RPS6KC1: variants seen among roughly 807,000 people sequenced by gnomAD.
RPS6KC1 encodes the protein ribosomal protein S6 kinase C1.
Under a neutral mutation model 103.8 loss-of-function variants are expected in RPS6KC1, and 54 were observed. The observed-to-expected ratio is 0.52, with a 90% CI of 0.42 to 0.65. The LOEUF is 0.65. Ranked by LOEUF, RPS6KC1 falls within the 30% of genes least tolerant of loss-of-function variation. The pLI, the probability that RPS6KC1 is intolerant of heterozygous loss-of-function variation, is 0.00. For synonymous variants in RPS6KC1, 439 were observed against 438.7 expected (o/e 1.00, Z -0.01); for missense variants, 1,151 against 1,253.8 (o/e 0.92, Z 1.24).
intron 8 of RPS6KC1, among the ~76,000 whole-genome samples, chr1:213,216,396 A>C (rs2093660813): frequency 6.6e-6 from 1 of 152,162 alleles, no homozygotes. Context: ...CTACAAAGAG[A>C]CTTAGACTCC....
At chr1:213,602,008 T>C in the RPS6KC1 span, among the ~76,000 whole-genome samples, 3 of 37,098 alleles carry the variant, frequency 8.1e-5, no homozygotes, top group African/African-American at 2.2e-4. Flanking sequence ...TTTCTTTTCT[T>C]TTCTTTTCTT....
chr1:213,208,397 T>G (rs1474663775), intron 8 of RPS6KC1, among the ~76,000 whole-genome samples: 1 of 152,236 alleles, frequency 6.6e-6, no homozygotes, highest in African/African-American at 2.4e-5. Context: ...CTCCTTTGCC[T>G]TTCTCTTTGG....
chr1:213,110,964 G>A (rs1168903005), intron 4 of RPS6KC1, among the ~76,000 whole-genome samples: 1 of 148,262 alleles, frequency 6.7e-6, no homozygotes, highest in African/African-American at 2.5e-5. Flanking sequence ...TTTTTTCTGT[G>A]CTTCAATCCA....
At chr1:213,522,836 G>A in the RPS6KC1 span, among the ~76,000 whole-genome samples, 11 of 152,146 alleles carry the variant, frequency 7.2e-5, no homozygotes, top group East Asian at 1.9e-4. Flanking sequence ...TGCTCTATCC[G>A]GACCATTAAA....
intron 10 of RPS6KC1, among the ~76,000 whole-genome samples, chr1:213,238,713 A>G (rs1034257979): frequency 2.0e-5 from 3 of 152,330 alleles, no homozygotes; most frequent in Non-Finnish European, 2.9e-5. Context: ...ATTAAAAGGT[A>G]CCATTTCTTG....
At chr1:213,376,500 G>C in the RPS6KC1 span, among the ~76,000 whole-genome samples, 2 of 151,064 alleles carry the variant, frequency 1.3e-5, no homozygotes, top group African/African-American at 4.9e-5. Context: ...TTTCATGCAA[G>C]AATTAGGTAC....
chr1:213,125,780 T>G (rs1427296333), intron 5 of RPS6KC1: 1 of 152,022 alleles, frequency 6.6e-6, no homozygotes, highest in African/African-American at 2.4e-5. Flanking sequence ...TTTAATGGTC[T>G]TACTTTTTTG....
At chr1:213,145,845 AT>A (rs1250850044) in intron 6 of RPS6KC1, among the ~76,000 whole-genome samples, 1 of 151,762 alleles carries the variant, frequency 6.6e-6, no homozygotes, top group Non-Finnish European at 1.5e-5. Flanking sequence ...CCCCTTAAGC[AT>A]TTATCCTTTG....
chr1:213,361,951 G>A, the RPS6KC1 span, among the ~76,000 whole-genome samples: 3 of 152,234 alleles, frequency 2.0e-5, no homozygotes, highest in Non-Finnish European at 4.4e-5. Context: ...AGTTGTCTGT[G>A]TGCACAAGTG....
At chr1:213,442,354 C>T in the RPS6KC1 span, among the ~76,000 whole-genome samples, 3 of 152,222 alleles carry the variant, frequency 2.0e-5, no homozygotes, top group Non-Finnish European at 1.5e-5. Context: ...AGGTGTTCAA[C>T]AGACATTTTT....
intron 10 of RPS6KC1, among the ~76,000 whole-genome samples, chr1:213,233,316 C>G (rs913324304): frequency 6.6e-6 from 1 of 152,068 alleles, no homozygotes; most frequent in Non-Finnish European, 1.5e-5. Context: ...AACTAATTCA[C>G]CTTTGTTCAG....
At chr1:213,242,518 A>T (rs1468724654) in intron 11 of RPS6KC1, 51 bp from the exon 12 acceptor site, 2 of 1,433,498 alleles carry the variant, frequency 1.4e-6, no homozygotes, top group Non-Finnish European at 2.0e-6. Context: ...TCACTTCTGC[A>T]GAAAATGGAA....
At chr1:213,453,970 A>G in the RPS6KC1 span, among the ~76,000 whole-genome samples, 1 of 152,272 alleles carries the variant, frequency 6.6e-6, no homozygotes, top group Non-Finnish European at 1.5e-5. Flanking sequence ...AAAAATATTG[A>G]AAAAGCTTTG....
chr1:213,479,405 A>G, the RPS6KC1 span, among the ~76,000 whole-genome samples: 5 of 151,944 alleles, frequency 3.3e-5, no homozygotes, highest in Admixed American at 2.6e-4. Flanking sequence ...AGGCTTTTAC[A>G]TTTTGGTTAG....
At chr1:213,116,734 T>G (rs2083682124) in intron 4 of RPS6KC1, among the ~76,000 whole-genome samples, 1 of 151,914 alleles carries the variant, frequency 6.6e-6, no homozygotes, top group Non-Finnish European at 1.5e-5. Flanking sequence ...AGGAGCTCTT[T>G]TAGGGCAGGC....
rs146338786 is a variant in RPS6KC1, at chr1:213,193,622, A to G, written c.1044+17130A>G. On this transcript the variant is annotated intron_variant, in intron 8 of 14. Transcript: ENST00000366960. ...TGCTGAAAGTGGGGTATTGAGGTCT[A>G]TAGTTTTTTTTAGTTTTTATTTTTA... Among the ~76,000 whole-genome samples the G allele has an allele frequency of 3.1e-3, 471 of 151,648 alleles. 2 individuals carry two copies. Among genetic ancestry groups the G allele is most frequent in the African/African-American group, 1.0e-2 (412 of 41,322 alleles).
the RPS6KC1 span, among the ~76,000 whole-genome samples, chr1:213,676,237 G>A: frequency 1.3e-5 from 2 of 152,142 alleles, no homozygotes; most frequent in African/African-American, 4.8e-5. Context: ...AAAACACCAA[G>A]GCCCCTTCTC....
At chr1:213,508,813 AG>A in the RPS6KC1 span, among the ~76,000 whole-genome samples, 9 of 152,348 alleles carry the variant, frequency 5.9e-5, 1 homozygote, top group African/African-American at 2.2e-4. Context: ...GATTGGTCTC[AG>A]TTGCTAATCT....
intron 7 of RPS6KC1, among the ~76,000 whole-genome samples, chr1:213,171,755 C>T (rs2091491827): frequency 6.6e-6 from 1 of 152,130 alleles, no homozygotes; most frequent in South Asian, 2.1e-4. Flanking sequence ...CTCAGTGAGA[C>T]ATTTGCTTAA....
Sources: gnomAD v4.1 joint callset for allele counts (sites outside exome capture counted in the v4.1 genomes callset) on GRCh38, gnomAD v4.1.1 for gene constraint, MANE v1.5 for transcripts, NCBI Gene and HGNC (gene_info 2026-07-23, HGNC 2026-07-21) for gene names.